Variants in CALN1 observed in about 807,000 individuals in gnomAD.
CALN1 encodes calneuron 1.
Under a neutral mutation model 30.6 loss-of-function variants are expected in CALN1, and 17 were observed. That is an observed-to-expected ratio of 0.56 (90% CI 0.38 to 0.83). The LOEUF is 0.83. Ranked by LOEUF, CALN1 falls within the 40% of genes least tolerant of loss-of-function variation. The pLI is 0.00. For missense variants in CALN1, 291 were observed against 354.9 expected (o/e 0.82, Z 1.45); for synonymous variants, 156 against 131.4 (o/e 1.19, Z -1.28).
chr7:72,118,981 C>T (rs545023439), intron 3 of CALN1, among the ~76,000 whole-genome samples: 29 of 152,244 alleles, frequency 1.9e-4, no homozygotes, highest in African/African-American at 6.0e-4. Flanking sequence ...GCAGTATCTA[C>T]GTTGTGATCT....
intron 3 of CALN1, among the ~76,000 whole-genome samples, chr7:72,241,385 G>GT (rs1174549294): frequency 6.6e-6 from 1 of 152,026 alleles, no homozygotes; most frequent in Non-Finnish European, 1.5e-5. Flanking sequence ...AGCACATTCT[G>GT]TTTTCCCCCC....
At chr7:72,357,124 C>T (rs1409501463) in intron 2 of CALN1, among the ~76,000 whole-genome samples, 2 of 151,950 alleles carry the variant, frequency 1.3e-5, no homozygotes, top group Admixed American at 1.3e-4. Context: ...TAGAGACAGC[C>T]TTAACCTTTC....
At chr7:72,061,683 G>A (rs995839444) in intron 4 of CALN1, among the ~76,000 whole-genome samples, 8 of 150,648 alleles carry the variant, frequency 5.3e-5, no homozygotes, top group Non-Finnish European at 1.2e-4. Flanking sequence ...GGCATAAAAG[G>A]AGATGAGAAA....
At chr7:72,086,576 G>A (rs903346302) in intron 4 of CALN1, among the ~76,000 whole-genome samples, 3 of 151,136 alleles carry the variant, frequency 2.0e-5, no homozygotes, top group African/African-American at 7.3e-5. Context: ...TGGGACTACC[G>A]GCCCGTGCCA....
the CALN1 span, among the ~76,000 whole-genome samples, chr7:72,497,317 G>A: frequency 6.6e-6 from 1 of 152,196 alleles, no homozygotes; most frequent in East Asian, 1.9e-4. Flanking sequence ...GCACGCATCT[G>A]TAATCCCAGC....
the CALN1 span, among the ~76,000 whole-genome samples, chr7:72,470,848 T>C: frequency 6.6e-6 from 1 of 152,160 alleles, no homozygotes; most frequent in Non-Finnish European, 1.5e-5. Flanking sequence ...TTCTCCCTGA[T>C]GGAAGGGAGA....
intron 3 of CALN1, among the ~76,000 whole-genome samples, chr7:72,243,347 G>A (rs750457799): frequency 6.6e-6 from 1 of 152,172 alleles, no homozygotes; most frequent in Non-Finnish European, 1.5e-5. Flanking sequence ...ACAAACTTTT[G>A]TTATTTAAGC....
intron 6 of CALN1, among the ~76,000 whole-genome samples, chr7:71,794,994 G>C (rs950470157): frequency 7.8e-6 from 1 of 128,704 alleles, no homozygotes; most frequent in Non-Finnish European, 1.7e-5. Context: ...TAGATCAGTG[G>C]TGCCTTCTGA....
intron 2 of CALN1, among the ~76,000 whole-genome samples, chr7:72,352,790 G>A (rs1156883164): frequency 6.6e-6 from 1 of 151,828 alleles, no homozygotes. Flanking sequence ...GAAAAAGGAT[G>A]GGGAAATCAA....
At chr7:72,032,137 C>T (rs1435556161) in intron 4 of CALN1, among the ~76,000 whole-genome samples, 1 of 146,084 alleles carries the variant, frequency 6.8e-6, no homozygotes, top group Non-Finnish European at 1.5e-5. Flanking sequence ...CAGCTCACTG[C>T]AAGCTCTGCC....
chr7:71,834,348 TAAAAAA>T (rs60091117), intron 5 of CALN1, among the ~76,000 whole-genome samples: 2 of 89,814 alleles, frequency 2.2e-5, no homozygotes, highest in Non-Finnish European at 2.1e-5. Flanking sequence ...CGATCCACCC[TAAAAAA>T]AAAAAAAAAA....
In CALN1 at chr7:72,132,418, G is replaced by A. The variant is rs116324482; in HGVS notation, c.245-26124C>T. ...GTATGGTTTCTACTGGGTGTGTGTC[G>A]CTCTCACACCATCATGAAGTCAAAA... On this transcript the variant is annotated intron_variant, in intron 3 of 6. Transcript: ENST00000395275. Among the ~76,000 whole-genome samples the A allele has an allele frequency of 1.9e-3, 288 of 152,120 alleles. 1 individual carries two copies. Among genetic ancestry groups the A allele is most frequent in the African/African-American group, 6.3e-3 (263 of 41,508 alleles).
In CALN1 at chr7:71,924,220, G is replaced by GGATTAGGATTTCAGATCTTTTTAAAAAA. The variant is rs67589744; in HGVS notation, c.501+99409_501+99436dup. On this transcript the variant is annotated intron_variant, in intron 5 of 6. Coordinates refer to ENST00000395275, the MANE Select transcript of CALN1 (RefSeq NM_031468.4). ...AAAAAAAAAAAAAAAAAAAAGATTA[G>GGATTAGGATTTCAGATCTTTTTAAAAAA]GATTAGGATTTCAGATCTTTTTAAA... is the stretch of plus-strand genomic sequence containing the variant. Among the ~76,000 whole-genome samples, 508 of 141,060 alleles carry GGATTAGGATTTCAGATCTTTTTAAAAAA rather than the reference G, an allele frequency of 3.6e-3. 3 individuals carry two copies. The highest frequency in any genetic ancestry group is 5.9e-3 in the Non-Finnish European group (385 of 65,524). The allele number at this position is 141,060 out of a possible 152,430, so 92.5% of individuals were successfully genotyped here.
intron 3 of CALN1, among the ~76,000 whole-genome samples, chr7:72,232,866 A>G (rs1412048150): frequency 6.6e-6 from 1 of 152,250 alleles, no homozygotes; most frequent in Non-Finnish European, 1.5e-5. Flanking sequence ...GACTGGAAGG[A>G]AACAACAGAC....
chr7:72,122,353 A>AC (rs1325238780), intron 3 of CALN1, among the ~76,000 whole-genome samples: 1 of 152,126 alleles, frequency 6.6e-6, no homozygotes, highest in Non-Finnish European at 1.5e-5. Flanking sequence ...CCAGAAAGAA[A>AC]CTAGAGAAAA....
intron 3 of CALN1, among the ~76,000 whole-genome samples, chr7:72,170,639 G>A (rs1256955181): frequency 1.3e-5 from 2 of 152,254 alleles, no homozygotes; most frequent in Non-Finnish European, 2.9e-5. Context: ...GCTCCAAGAT[G>A]GGGTTCCTGA....
intron 5 of CALN1, among the ~76,000 whole-genome samples, chr7:71,954,608 C>T (rs1019235146): frequency 2.6e-5 from 4 of 152,204 alleles, no homozygotes; most frequent in Non-Finnish European, 5.9e-5. Context: ...GCTGTGATCA[C>T]GCCACTGTAC....
rs73366914 is a variant in CALN1, at chr7:72,443,130, G to A, written c.-226+3912C>T. On this transcript the variant is annotated intron_variant, in intron 1 of 6. Coordinates refer to the CALN1 transcript ENST00000395276. ...TGCCTCATCACTGTCTCAGGACCTC[G>A]TCCTCCTCCTCGGCTGTATTTCTCT... 9.1e-3 allele frequency among the ~76,000 whole-genome samples: 1,381 copies of A among 152,298 alleles called. 23 individuals carry two copies. The highest frequency in any genetic ancestry group is 0.031 in the African/African-American group (1,287 of 41,562).
chr7:71,871,702 C>T (rs1436794150), intron 5 of CALN1, among the ~76,000 whole-genome samples: 1 of 152,156 alleles, frequency 6.6e-6, no homozygotes, highest in Non-Finnish European at 1.5e-5. Context: ...GAATACTCTT[C>T]CATCATTTAC....
Sources: allele counts gnomAD v4.1 joint callset (sites outside exome capture counted in the v4.1 genomes callset), GRCh38; gene constraint gnomAD v4.1.1; transcripts MANE v1.5; gene names NCBI Gene and HGNC (gene_info 2026-07-23, HGNC 2026-07-21).